The following NOCT variants were observed in gnomAD, a reference collection of about 807,000 sequenced individuals.
The protein encoded by NOCT is nocturnin, also known as CCR4 carbon catabolite repression 4-like.
Under a neutral mutation model 35.0 loss-of-function variants are expected in NOCT, and 18 were observed. The ratio of observed to expected loss-of-function variants is 0.51; its 90% CI spans 0.36 to 0.76. The LOEUF (loss-of-function observed/expected upper bound fraction) is 0.76, where lower values mean the gene tolerates loss of function less well. Among genes scored for constraint, NOCT ranks in the 30% least tolerant of loss-of-function variants. The pLI, the probability that NOCT is intolerant of heterozygous loss-of-function variation, is 0.01. For synonymous variants in NOCT, 235 were observed against 226.3 expected (o/e 1.04, Z -0.34); for missense variants, 479 against 541.0 (o/e 0.89, Z 1.14).
At chr4:139,022,095 A>T (rs1441650919) in intron 1 of NOCT, among the ~76,000 whole-genome samples, 1 of 152,178 alleles carries the variant, frequency 6.6e-6, no homozygotes, top group Non-Finnish European at 1.5e-5. Context: ...TAGCCACTTA[A>T]GTGGTGGTTA....
At chr4:139,027,809 A>G (rs1181830416) in intron 1 of NOCT, among the ~76,000 whole-genome samples, 2 of 152,154 alleles carry the variant, frequency 1.3e-5, no homozygotes, top group African/African-American at 2.4e-5. Flanking sequence ...ATTTATGAAC[A>G]TTAAAATTTG....
intron 1 of NOCT, among the ~76,000 whole-genome samples, chr4:139,022,191 G>A (rs1726427835): frequency 6.6e-6 from 1 of 152,196 alleles, no homozygotes; most frequent in Non-Finnish European, 1.5e-5. Context: ...TCCACGGAAA[G>A]CAGCTAAGAT....
At chr4:139,027,395 G>A (rs532579807) in intron 1 of NOCT, among the ~76,000 whole-genome samples, 41 of 152,252 alleles carry the variant, frequency 2.7e-4, no homozygotes, top group Non-Finnish European at 4.9e-4. Context: ...TCCATAAAGA[G>A]CCAGCTAGTA....
At chr4:139,039,853 G>C (rs987198064) in intron 1 of NOCT, among the ~76,000 whole-genome samples, 2 of 151,844 alleles carry the variant, frequency 1.3e-5, no homozygotes, top group African/African-American at 4.8e-5. Context: ...TCACCCTCGC[G>C]AGTAGCTGGG....
chr4:139,026,817 G>T (rs555349684), intron 1 of NOCT, among the ~76,000 whole-genome samples: 3 of 150,512 alleles, frequency 2.0e-5, no homozygotes, highest in Admixed American at 6.6e-5. Flanking sequence ...CTCCCAAAGT[G>T]TTGGAATTAC....
intron 1 of NOCT, among the ~76,000 whole-genome samples, chr4:139,026,575 A>C (rs1373817658): frequency 6.9e-6 from 1 of 143,898 alleles, no homozygotes; most frequent in African/African-American, 2.6e-5. Context: ...TTTGAGACAG[A>C]GTTTCACTCT....
At position 139,015,807 on chromosome 4, in the gene NOCT, A is replaced by G. The variant is rs985900755; in HGVS notation, c.-175A>G. On this transcript the variant is annotated 5_prime_UTR_variant, in exon 1 of 3. Coordinates refer to ENST00000280614, the MANE Select transcript of NOCT (RefSeq NM_012118.4). ...GACGGTGCCGACGCAGCGGTGTTGC[A>G]CCTCCCTCTCCGGCTCTGCTGCCCG... is the stretch of plus-strand genomic sequence containing the variant. The G allele has an allele frequency of 1.1e-4, 46 of 429,200 alleles. No individual in the cohort carries two copies. Among genetic ancestry groups the G allele is most frequent in the Non-Finnish European group, 1.5e-4 (39 of 266,784 alleles). The allele number at this position is 429,200 out of a possible 1,614,324, so 26.6% of individuals were successfully genotyped here.
chr4:139,019,657 T>C (rs1242712248), intron 1 of NOCT, among the ~76,000 whole-genome samples: 1 of 152,174 alleles, frequency 6.6e-6, no homozygotes, highest in East Asian at 1.9e-4. Flanking sequence ...TTGGTAGTTA[T>C]TGGGAAGATA....
At chr4:139,030,282 G>A (rs138156988) in intron 1 of NOCT, among the ~76,000 whole-genome samples, 1 of 152,270 alleles carries the variant, frequency 6.6e-6, no homozygotes, top group Non-Finnish European at 1.5e-5. Flanking sequence ...TCTTGAGCAG[G>A]TAACTGGTTA....
At chr4:139,037,332 T>C (rs1036764429) in intron 1 of NOCT, among the ~76,000 whole-genome samples, 2 of 152,266 alleles carry the variant, frequency 1.3e-5, no homozygotes, top group Non-Finnish European at 2.9e-5. Flanking sequence ...TGCAGTGTAT[T>C]ATTCCATACA....
At chr4:139,044,116 GA>G (rs1489050650) in intron 2 of NOCT, among the ~76,000 whole-genome samples, 1 of 138,488 alleles carries the variant, frequency 7.2e-6, no homozygotes, top group African/African-American at 2.6e-5. Context: ...GAGATTTTAA[GA>G]AAAACAAGGG....
chr4:139,015,789 C>T lies in NOCT; in HGVS notation c.-193C>T, dbSNP rs975162662. On this transcript the variant is annotated 5_prime_UTR_variant, in exon 1 of 3. Transcript: ENST00000280614. Reference sequence around the variant, plus strand: ...TCGCCAGGTCTCACAGCAGACGGTGCCGACGCAGCGGTGTTGCACCTCCCT... The same window carrying T: ...TCGCCAGGTCTCACAGCAGACGGTGTCGACGCAGCGGTGTTGCACCTCCCT... The T allele has an allele frequency of 2.1e-5, 8 of 382,480 alleles. No individual in the cohort carries two copies. The highest frequency in any genetic ancestry group is 4.2e-5 in the African/African-American group (2 of 47,262). 23.7% of individuals were successfully genotyped at this position (382,480 alleles called of 1,614,324 possible).
At chr4:139,025,472 A>G (rs1726495900) in intron 1 of NOCT, among the ~76,000 whole-genome samples, 1 of 152,132 alleles carries the variant, frequency 6.6e-6, no homozygotes, top group Non-Finnish European at 1.5e-5. Flanking sequence ...CATTGATGTC[A>G]TGCATCCCTT....
At chr4:139,040,036 C>G (rs1726807835) in intron 1 of NOCT, among the ~76,000 whole-genome samples, 1 of 115,732 alleles carries the variant, frequency 8.6e-6, no homozygotes, top group Non-Finnish European at 1.7e-5. Context: ...CCTCTTGTAT[C>G]ATTTTCTTTT....
intron 1 of NOCT, among the ~76,000 whole-genome samples, chr4:139,033,639 T>C (rs1726665869): frequency 1.3e-5 from 2 of 151,064 alleles, no homozygotes; most frequent in African/African-American, 2.4e-5. Context: ...ACCATTGTGC[T>C]CCAACTCCAG....
chr4:139,031,861 C>T (rs1428267448), intron 1 of NOCT, among the ~76,000 whole-genome samples: 5 of 150,684 alleles, frequency 3.3e-5, no homozygotes, highest in East Asian at 2.0e-4. Context: ...TACAGGCGCC[C>T]GCCACCACGC....
chr4:139,036,844 A>G (rs781735189), intron 1 of NOCT, among the ~76,000 whole-genome samples: 1 of 152,228 alleles, frequency 6.6e-6, no homozygotes, highest in Non-Finnish European at 1.5e-5. Context: ...TAAGAAGATT[A>G]GAGTGTTGCC....
chr4:139,040,228 G>C (rs887211229), intron 1 of NOCT, among the ~76,000 whole-genome samples: 1 of 147,160 alleles, frequency 6.8e-6, no homozygotes, highest in African/African-American at 2.5e-5. Flanking sequence ...TTTTAGTAGA[G>C]ACGGGGTTTC....
intron 1 of NOCT, among the ~76,000 whole-genome samples, chr4:139,034,944 T>G (rs1030833198): frequency 2.6e-5 from 4 of 152,218 alleles, no homozygotes; most frequent in Non-Finnish European, 5.9e-5. Flanking sequence ...CTCCTTTCTC[T>G]CTAACTCAAT....
Sources: allele counts gnomAD v4.1 joint callset (sites outside exome capture counted in the v4.1 genomes callset), GRCh38; gene constraint gnomAD v4.1.1; transcripts MANE v1.5; gene names NCBI Gene and HGNC (gene_info 2026-07-23, HGNC 2026-07-21).